The following CSMD2 variants were observed in gnomAD, a reference collection of about 807,000 sequenced individuals.
CSMD2 encodes the protein CUB and Sushi multiple domains 2.
In CSMD2, 130 loss-of-function variants were observed where a neutral mutation model predicts 398.5. That is an observed-to-expected ratio of 0.33 (90% CI 0.28 to 0.38). The LOEUF (loss-of-function observed/expected upper bound fraction) is 0.38, where lower values mean the gene tolerates loss of function less well. CSMD2 is among the 10% of genes least tolerant of loss of function. The probability of loss-of-function intolerance (pLI) is 1.00; values close to 1 mark genes in which losing one functional copy is unlikely to be tolerated. For synonymous variants in CSMD2, 1,828 were observed against 1,908.5 expected, an observed-to-expected ratio of 0.96 and a Z score of 1.10; for missense variants, 3,829 against 4,764.9, an observed-to-expected ratio of 0.80 and a Z score of 5.78.
intron 53 of CSMD2, 113 bp downstream of exon 53, chr1:33,567,478 CAT>C (rs774765893): frequency 0.04 from 17,010 of 426,234 alleles, 1 homozygote; most frequent in Middle Eastern, 0.063. Flanking sequence ...AAATAGCAAT[CAT>C]ATATATATAT....
intron 13 of CSMD2, among the ~76,000 whole-genome samples, chr1:33,748,412 G>A (rs1229189722): frequency 6.6e-6 from 1 of 152,070 alleles, no homozygotes; most frequent in African/African-American, 2.4e-5. Context: ...TCTTGATGTC[G>A]ACTAAACTTT....
intron 36 of CSMD2, among the ~76,000 whole-genome samples, chr1:33,623,137 T>G (rs1009142430): frequency 1.1e-4 from 16 of 151,414 alleles, no homozygotes; most frequent in African/African-American, 3.9e-4. Flanking sequence ...GGGAGGGGAG[T>G]GCAAATGGGT....
intron 1 of CSMD2, among the ~76,000 whole-genome samples, chr1:34,139,302 T>A (rs1639049673): frequency 6.6e-6 from 1 of 152,134 alleles, no homozygotes; most frequent in Admixed American, 6.5e-5. Flanking sequence ...CCTCCTGGAC[T>A]GGCACACTCA....
intron 49 of CSMD2, among the ~76,000 whole-genome samples, chr1:33,573,109 G>C (rs1038047247): frequency 6.6e-6 from 1 of 152,190 alleles, no homozygotes; most frequent in Non-Finnish European, 1.5e-5. Flanking sequence ...CCAGAGGAAA[G>C]CTCTTTTAAT....
rs77890397 is a variant in CSMD2 at position 33,622,315 on chromosome 1, C to G, written c.5723-44G>C. 3,091 of 1,438,238 alleles carry G rather than the reference C, an allele frequency of 2.1e-3. 56 individuals are homozygous for G. The African/African-American group carries it at 0.039, about 18-fold the overall frequency. The allele number at this position is 1,438,238 out of a possible 1,614,324, so 89.1% of individuals were successfully genotyped here. On this transcript the variant is annotated intron_variant, in intron 36 of 70. Coordinates refer to ENST00000373381, the MANE Select transcript of CSMD2 (RefSeq NM_001281956.2). ...GGAAAACCATTTAAGTTTGGCTCCT[C>G]CAGGCCCTTGCATTCCTCCCCATTC...
chr1:33,671,801 C>A (rs186543895), intron 25 of CSMD2, among the ~76,000 whole-genome samples: 1 of 152,174 alleles, frequency 6.6e-6, no homozygotes, highest in African/African-American at 2.4e-5. Context: ...TGCAGGGGCC[C>A]GTCCCTCTCA....
intron 2 of CSMD2, among the ~76,000 whole-genome samples, chr1:34,052,017 C>A (rs1653227148): frequency 6.6e-6 from 1 of 152,052 alleles, no homozygotes; most frequent in Non-Finnish European, 1.5e-5. Flanking sequence ...CTCTGACTGT[C>A]TTCAACCGGG....
intron 3 of CSMD2, among the ~76,000 whole-genome samples, chr1:34,006,334 C>T (rs937765124): frequency 1.3e-5 from 2 of 152,066 alleles, no homozygotes; most frequent in African/African-American, 4.8e-5. Flanking sequence ...CCCCAAGACC[C>T]CACCTACACC....
At chr1:33,962,169 C>T (rs145352088) in intron 3 of CSMD2, among the ~76,000 whole-genome samples, 386 of 152,280 alleles carry the variant, frequency 2.5e-3, no homozygotes, top group African/African-American at 8.6e-3. Context: ...ACTGCAGGGC[C>T]AGCAGCCTCA....
intron 5 of CSMD2, chr1:33,863,789 C>T (rs1335939298): frequency 5.6e-6 from 1 of 177,122 alleles, no homozygotes; most frequent in East Asian, 1.6e-4. Flanking sequence ...TCACTACAGC[C>T]TAGGGATTTT....
chr1:33,960,530 T>C (rs1485361827), intron 3 of CSMD2, among the ~76,000 whole-genome samples: 1 of 152,156 alleles, frequency 6.6e-6, no homozygotes, highest in Non-Finnish European at 1.5e-5. Context: ...CAGACATAGG[T>C]CCTGCCTTCA....
chr1:33,795,746 C>T (rs1185542404), intron 10 of CSMD2, among the ~76,000 whole-genome samples: 1 of 152,192 alleles, frequency 6.6e-6, no homozygotes, highest in African/African-American at 2.4e-5. Context: ...TCCACTACAC[C>T]ATGAACTCCT....
intron 42 of CSMD2, among the ~76,000 whole-genome samples, chr1:33,604,037 G>T (rs1640412071): frequency 6.6e-6 from 1 of 152,226 alleles, no homozygotes; most frequent in South Asian, 2.1e-4. Flanking sequence ...CTTAAAATTT[G>T]CCATTAGGGA....
chr1:34,151,450 G>T (rs1278738127), intron 1 of CSMD2, among the ~76,000 whole-genome samples: 1 of 152,172 alleles, frequency 6.6e-6, no homozygotes, highest in Non-Finnish European at 1.5e-5. Flanking sequence ...AGGCAGCAAG[G>T]TGAAAGGTCA....
chr1:33,637,951 A>G (rs1362358622), intron 29 of CSMD2, among the ~76,000 whole-genome samples: 1 of 152,170 alleles, frequency 6.6e-6, no homozygotes, highest in Non-Finnish European at 1.5e-5. Flanking sequence ...GGAGGCGGCC[A>G]CTACTTGAGG....
chr1:33,876,344 C>G (rs2125159793), intron 5 of CSMD2, among the ~76,000 whole-genome samples: 1 of 152,318 alleles, frequency 6.6e-6, no homozygotes, highest in East Asian at 1.9e-4. Context: ...GTCATTGCTA[C>G]TTACTAGCCA....
At chr1:33,619,207 A>T (rs867289880) in intron 37 of CSMD2, among the ~76,000 whole-genome samples, 1 of 152,234 alleles carries the variant, frequency 6.6e-6, no homozygotes, top group Non-Finnish European at 1.5e-5. Flanking sequence ...TTCCTAACCA[A>T]GGCGGCAGAA....
chr1:33,562,866 T>C (rs564353707), intron 53 of CSMD2, among the ~76,000 whole-genome samples: 2 of 152,244 alleles, frequency 1.3e-5, no homozygotes, highest in Non-Finnish European at 2.9e-5. Flanking sequence ...ACTGTGATTC[T>C]TTCCTGGGTC....
chr1:34,124,475 T>C (rs58082495), intron 1 of CSMD2, among the ~76,000 whole-genome samples: 3,073 of 152,230 alleles, frequency 0.02, 99 homozygotes, highest in African/African-American at 0.07. Flanking sequence ...GCTCATGCCA[T>C]CGGCTAGTCA....
Sources: gnomAD v4.1 joint callset for allele counts (sites outside exome capture counted in the v4.1 genomes callset) on GRCh38, gnomAD v4.1.1 for gene constraint, MANE v1.5 for transcripts, NCBI Gene and HGNC (gene_info 2026-07-23, HGNC 2026-07-21) for gene names.